Variants in PLD5 observed in about 807,000 individuals in gnomAD.
PLD5 encodes the protein phospholipase D family member 5, also known as inactive phospholipase D5.
In PLD5, 36 loss-of-function variants were observed where a neutral mutation model predicts 61.1. The ratio of observed to expected loss-of-function variants is 0.59; its 90% CI spans 0.45 to 0.78. PLD5 has a LOEUF of 0.78. Ranked by LOEUF, PLD5 falls within the 30% of genes least tolerant of loss-of-function variation. PLD5 has a pLI of 0.00. For missense variants in PLD5, 515 were observed against 644.4 expected, an observed-to-expected ratio of 0.80 and a Z score of 2.17; for synonymous variants, 243 against 242.8, an observed-to-expected ratio of 1.00 and a Z score of -0.01.
At chr1:242,306,815 T>TC (rs1676393476) in intron 2 of PLD5, among the ~76,000 whole-genome samples, 1 of 147,574 alleles carries the variant, frequency 6.8e-6, no homozygotes, top group African/African-American at 2.5e-5. Context: ...AACAAACTCT[T>TC]TGTAGGTACA....
intron 2 of PLD5, among the ~76,000 whole-genome samples, chr1:242,316,485 C>G (rs1197764322): frequency 6.6e-6 from 1 of 152,132 alleles, no homozygotes; most frequent in Non-Finnish European, 1.5e-5. Flanking sequence ...TTTGAAACCT[C>G]TCTTCAACTT....
At chr1:242,107,621 G>T (rs1430266759) in intron 8 of PLD5, 50 bp downstream of exon 8, 11 of 1,491,552 alleles carry the variant, frequency 7.4e-6, no homozygotes, top group Non-Finnish European at 9.0e-6. Context: ...TCACACACAT[G>T]CAGAGGGCAT....
intron 1 of PLD5, among the ~76,000 whole-genome samples, chr1:242,446,954 G>A (rs191943933): frequency 6.6e-6 from 1 of 152,126 alleles, no homozygotes; most frequent in Non-Finnish European, 1.5e-5. Flanking sequence ...CCCCTCACTA[G>A]CTGTGTGCCC....
At chr1:242,503,202 G>C (rs1668612908) in intron 1 of PLD5, among the ~76,000 whole-genome samples, 3 of 152,170 alleles carry the variant, frequency 2.0e-5, no homozygotes, top group Admixed American at 1.3e-4. Context: ...CTGGTGGGAG[G>C]TGTCAGGATC....
intron 3 of PLD5, among the ~76,000 whole-genome samples, chr1:242,277,984 A>G (rs1285519130): frequency 1.3e-5 from 2 of 152,222 alleles, no homozygotes; most frequent in Non-Finnish European, 2.9e-5. Context: ...CCCTGTCTCA[A>G]AAACAAACAA....
intron 6 of PLD5, among the ~76,000 whole-genome samples, chr1:242,121,268 A>G (rs1662340341): frequency 6.6e-6 from 1 of 152,204 alleles, no homozygotes; most frequent in Non-Finnish European, 1.5e-5. Flanking sequence ...AGGATATATT[A>G]ATAGTAGGTG....
chr1:242,363,201 C>A (rs993788667), intron 1 of PLD5, among the ~76,000 whole-genome samples: 6 of 151,978 alleles, frequency 3.9e-5, no homozygotes, highest in African/African-American at 1.5e-4. Flanking sequence ...AACCCACACA[C>A]AAGGCCAGAA....
chr1:242,354,084 C>A (rs1660624770), intron 1 of PLD5, among the ~76,000 whole-genome samples: 1 of 151,572 alleles, frequency 6.6e-6, no homozygotes, highest in African/African-American at 2.4e-5. Context: ...GGTCACAAAA[C>A]AAGATCTGGT....
In PLD5 at chr1:242,254,258, G is replaced by A. The variant is rs1205837557; in HGVS notation, c.607+11079C>T. On this transcript the variant is annotated intron_variant, in intron 4 of 9. Transcript: ENST00000536534. The stretch of plus-strand genomic sequence containing the variant: ...ATGTCATTTACTAACAGTTCGTTAT[G>A]AGGTAGGCACCTGCACCAGACACTT... Among the ~76,000 whole-genome samples, 6 of 150,424 alleles carry A rather than the reference G, an allele frequency of 4.0e-5. No individual in the cohort carries two copies. In the East Asian group the frequency reaches 1.2e-3, roughly 30 times the overall value.
chr1:242,288,921 T>C (rs1465248622), intron 2 of PLD5, among the ~76,000 whole-genome samples: 3 of 152,158 alleles, frequency 2.0e-5, no homozygotes, highest in East Asian at 3.9e-4. Context: ...TTGCAAGCTA[T>C]TTGAGACTAT....
intron 1 of PLD5, among the ~76,000 whole-genome samples, chr1:242,476,129 C>T (rs112211193): frequency 0.017 from 2,562 of 152,196 alleles, 78 homozygotes; most frequent in African/African-American, 0.058. Context: ...CCAAGGCGAG[C>T]GGATCACCTG....
intron 2 of PLD5, among the ~76,000 whole-genome samples, chr1:242,347,812 A>G (rs544831753): frequency 6.6e-6 from 1 of 152,342 alleles, no homozygotes; most frequent in African/African-American, 2.4e-5. Context: ...GCTCATCATG[A>G]ACACCCAAAA....
chr1:242,131,028 G>A (rs1221854420), intron 5 of PLD5, among the ~76,000 whole-genome samples: 13 of 152,012 alleles, frequency 8.6e-5, no homozygotes, highest in African/African-American at 1.4e-4. Context: ...AGTTATGGCC[G>A]GGCGCGGTGA....
At chr1:242,357,473 A>G (rs1418692215) in intron 1 of PLD5, among the ~76,000 whole-genome samples, 3 of 148,150 alleles carry the variant, frequency 2.0e-5, no homozygotes, top group Admixed American at 6.7e-5. Context: ...TCTTTCCTCA[A>G]TTAATGACAT....
chr1:242,485,802 T>C (rs1198848007), intron 1 of PLD5, among the ~76,000 whole-genome samples: 2 of 152,200 alleles, frequency 1.3e-5, no homozygotes, highest in Non-Finnish European at 2.9e-5. Flanking sequence ...TCATGCTACC[T>C]GACTTCAAAC....
chr1:242,296,806 T>A (rs184878742), intron 2 of PLD5, among the ~76,000 whole-genome samples: 12 of 152,290 alleles, frequency 7.9e-5, no homozygotes, highest in African/African-American at 2.9e-4. Flanking sequence ...CAGCCTCAAA[T>A]TTCTTGGCTC....
chr1:242,090,678 A>G (rs1659753014), intron 9 of PLD5, among the ~76,000 whole-genome samples: 2 of 152,202 alleles, frequency 1.3e-5, no homozygotes, highest in Admixed American at 1.3e-4. Flanking sequence ...ACAGCCTCTC[A>G]AGTATGACTG....
rs141003121 is a variant in PLD5, at chr1:242,261,799, C to T, written c.607+3538G>A. On this transcript the variant is annotated intron_variant, in intron 4 of 9. Coordinates refer to ENST00000536534, the MANE Select transcript of PLD5 (RefSeq NM_001372062.1). ...AAGATACAACATGATACGTATCCAC[C>T]GGAATGGCTAAAATAAAACAAGGTG... 2.2e-3 allele frequency among the ~76,000 whole-genome samples: 341 copies of T among 152,236 alleles called. 2 individuals are homozygous for T. Among genetic ancestry groups the T allele is most frequent in the African/African-American group, 7.4e-3 (309 of 41,550 alleles).
At chr1:242,144,162 C>G (rs1664380101) in intron 5 of PLD5, among the ~76,000 whole-genome samples, 1 of 122,930 alleles carries the variant, frequency 8.1e-6, no homozygotes. Context: ...AGCCACCACA[C>G]CCAGCCTCAA....
Sources: allele counts gnomAD v4.1 joint callset (sites outside exome capture counted in the v4.1 genomes callset), GRCh38; gene constraint gnomAD v4.1.1; transcripts MANE v1.5; gene names NCBI Gene and HGNC (gene_info 2026-07-23, HGNC 2026-07-21).